Variants in TRPM2 observed in about 807,000 individuals in gnomAD.
TRPM2 encodes the protein estrogen-responsive element-associated gene 1 protein.
In TRPM2, 161 loss-of-function variants were observed where a neutral mutation model predicts 174.0. The ratio of observed to expected loss-of-function variants is 0.93; its 90% CI spans 0.81 to 1.05. The LOEUF is 1.05. Ranked by LOEUF, TRPM2 falls within the 50% of genes least tolerant of loss-of-function variation. The pLI is 0.00. For missense variants in TRPM2, 2,057 were observed against 2,038.0 expected (o/e 1.01, Z -0.18); for synonymous variants, 954 against 861.3 (o/e 1.11, Z -1.88).
chr21:44,357,523 T>G (rs2048092394), intron 2 of TRPM2, among the ~76,000 whole-genome samples: 1 of 152,192 alleles, frequency 6.6e-6, no homozygotes, highest in Non-Finnish European at 1.5e-5. Context: ...GGCAGGCTGC[T>G]GCGGCTCTCC....
rs371222161 is a variant in TRPM2 at position 44,401,677 on chromosome 21, G to T, written c.2322-4G>T. 3.1e-6 allele frequency: 5 copies of T among 1,611,790 alleles called. No homozygotes were observed. In the African/African-American group the frequency reaches 5.3e-5, roughly 17 times the overall value. On this transcript the variant is annotated splice_polypyrimidine_tract_variant and splice_region_variant and intron_variant, in intron 15 of 31. Transcript: ENST00000397928. ...CTGTCTCCTCTCTGCTGTGACGGCC[G>T]CAGGGAGAAGAGGCTGCAGGATGTG...
intron 9 of TRPM2, among the ~76,000 whole-genome samples, chr21:44,385,632 C>A (rs2048997444): frequency 6.6e-6 from 1 of 152,142 alleles, no homozygotes; most frequent in Admixed American, 6.5e-5. Context: ...TCGTATTTGT[C>A]CATTTTCACA....
Position 44,418,030 on chromosome 21 carries a change from T to C in TRPM2, c.3250T>C (p.Phe1084Leu). 1 of 1,613,200 alleles carries C rather than the reference T, an allele frequency of 6.2e-7. No homozygotes were observed. The highest frequency in any genetic ancestry group is 1.1e-5 in the South Asian group (1 of 91,086). The change falls in exon 21 of 32, where the codon TTC becomes CTC. Residue 1084 changes from phenylalanine (F) to leucine (L), a missense_variant. Coordinates refer to ENST00000397928, the MANE Select transcript of TRPM2 (RefSeq NM_003307.4). ...YHGRPAAPPP[F>L]ILLSHLQLFI... ...CGGCCGCCCCGCCGCGCCGCCCCCC[T>C]TCATCCTCCTCAGCCACCTGCAGCT...
At chr21:44,351,959 C>T (rs2047932969), upstream of TRPM2, among the ~76,000 whole-genome samples, 1 of 152,196 alleles carries the variant, frequency 6.6e-6, no homozygotes, top group Non-Finnish European at 1.5e-5. Context: ...AGTCCCACAC[C>T]GTGGACCCTC....
intron 5 of TRPM2, among the ~76,000 whole-genome samples, chr21:44,370,071 CT>C (rs1569025636): frequency 1.3e-5 from 2 of 152,096 alleles, no homozygotes; most frequent in African/African-American, 2.4e-5. Context: ...CGGCCCACCC[CT>C]GACCCAGGTG....
At chr21:44,437,507 C>A (rs565785959) in intron 29 of TRPM2, among the ~76,000 whole-genome samples, 6 of 152,206 alleles carry the variant, frequency 3.9e-5, no homozygotes, top group African/African-American at 9.6e-5. Flanking sequence ...GCTCTTCTCC[C>A]GTGTCTCAGA....
chr21:44,369,101 G>A, intron 4 of TRPM2, 76 bp from the exon 5 acceptor site: 1 of 1,418,706 alleles, frequency 7.0e-7, no homozygotes, highest in Admixed American at 2.8e-5. Context: ...AGCCTAGAAG[G>A]GCTCAGGCGT....
intron 19 of TRPM2, 145 bp from the exon 20 acceptor site, chr21:44,413,746 G>A: frequency 1.1e-6 from 1 of 941,426 alleles, no homozygotes; most frequent in South Asian, 1.6e-5. Flanking sequence ...TGGCCCAGAG[G>A]TGACAGCTGA....
At chr21:44,365,894 C>T (rs972863680) in intron 3 of TRPM2, among the ~76,000 whole-genome samples, 8 of 152,232 alleles carry the variant, frequency 5.3e-5, no homozygotes, top group South Asian at 2.1e-4. Context: ...GTGGGACCCA[C>T]GTTCTGATGG....
rs780609864 is a variant in TRPM2 at position 44,403,722 on chromosome 21, T to C, written c.2539-1420T>C. Among the ~76,000 whole-genome samples the C allele has an allele frequency of 4.1e-5, 6 of 147,388 alleles. No homozygotes were observed. In the East Asian group the frequency reaches 1.2e-3, roughly 30 times the overall value. ...ATACACATGCATACACACATATGCA[T>C]GGACACACATACATGCATATAGAGA... is the stretch of plus-strand genomic sequence containing the variant. On this transcript the variant is annotated intron_variant, in intron 16 of 31. Coordinates refer to ENST00000397928, the MANE Select transcript of TRPM2 (RefSeq NM_003307.4).
chr21:44,409,686 T>TAA lies in TRPM2; in HGVS notation c.2962+2921_2962+2922insAA, dbSNP rs1243657009. Among the ~76,000 whole-genome samples the TAA allele has an allele frequency of 4.9e-5, 6 of 122,920 alleles. 1 individual carries two copies. Among genetic ancestry groups the TAA allele is most frequent in the South Asian group, 2.7e-4 (1 of 3,708 alleles). The allele number at this position is 122,920 out of a possible 152,430, so 80.6% of individuals were successfully genotyped here. On this transcript the variant is annotated intron_variant, in intron 19 of 31. Coordinates refer to ENST00000397928, the MANE Select transcript of TRPM2 (RefSeq NM_003307.4). Reference sequence around the variant, plus strand: ...GCACTGTCTTGGTGTAGCCTTGTAGTGAGTTTTGACCACACTGTCTTGGTT... The same window carrying TAA: ...GCACTGTCTTGGTGTAGCCTTGTAGTAAGAGTTTTGACCACACTGTCTTGGTT...
At chr21:44,406,228 GC>G (rs1569076697) in intron 18 of TRPM2, among the ~76,000 whole-genome samples, 191 bp downstream of exon 18, 1 of 152,100 alleles carries the variant, frequency 6.6e-6, no homozygotes, top group African/African-American at 2.4e-5. Flanking sequence ...CTTCCAGGAA[GC>G]CTTCCCTCAT....
At chr21:44,421,283 A>C (rs1601222996) in intron 22 of TRPM2, among the ~76,000 whole-genome samples, 2 of 151,382 alleles carry the variant, frequency 1.3e-5, no homozygotes, top group Non-Finnish European at 2.9e-5. Context: ...GCGCTGCTGC[A>C]CTCCAGCCTG....
chr21:44,372,409 C>T (rs773299856), intron 5 of TRPM2, among the ~76,000 whole-genome samples: 4 of 150,646 alleles, frequency 2.7e-5, no homozygotes, highest in East Asian at 2.0e-4. Flanking sequence ...GCAGGAGAAT[C>T]GCTTGAACCT....
Position 44,391,078 on chromosome 21 carries a change from C to T in TRPM2, c.1440+53C>T, listed in dbSNP as rs2049158228. ...GGGCCTACTGGGCCCACATGCATTG[C>T]ACCACTGAAGCAAGGGCAGGCAAAG... On this transcript the variant is annotated intron_variant, in intron 10 of 31. Coordinates refer to ENST00000397928, the MANE Select transcript of TRPM2 (RefSeq NM_003307.4). This position sits in a 1 kb window ranked among gnomAD's most constrained non-coding sequence, Gnocchi z 5.0. 4 of 1,609,258 alleles carry T rather than the reference C, an allele frequency of 2.5e-6. No homozygotes were observed. The highest frequency in any genetic ancestry group is 1.8e-4 in the Middle Eastern group (1 of 5,546).
Position 44,439,029 on chromosome 21 carries a change from G to A in TRPM2, c.4168-38G>A. 5 of 1,574,452 alleles carry A rather than the reference G, an allele frequency of 3.2e-6. No individual in the cohort carries two copies. The highest frequency in any genetic ancestry group is 4.3e-6 in the Non-Finnish European group (5 of 1,149,794). On this transcript the variant is annotated intron_variant, in intron 29 of 31. Transcript: ENST00000397928. The surrounding 1 kb of genome is among the most constrained non-coding windows in gnomAD (Gnocchi z 5.1). ...CAGGGCAGCCTGAGGTCCCGCTTCGGTGCCCTGTTGACCTGCCTCCGTCCT... is the reference window on the plus strand; with the variant it reads ...CAGGGCAGCCTGAGGTCCCGCTTCGATGCCCTGTTGACCTGCCTCCGTCCT...
rs139137701 is a variant in TRPM2 at position 44,401,708 on chromosome 21, C to A, written c.2349C>A (p.Thr783=). Residue 783 remains threonine, a synonymous_variant, in exon 16 of 32, where the codon ACC becomes ACA. Coordinates refer to ENST00000397928, the MANE Select transcript of TRPM2 (RefSeq NM_003307.4). ...AGAAGAGGCTGCAGGATGTGGGCAC[C>A]CCCGCGGCCCGCGCCCGTGCCTTCT... ...FREKRLQDVG[T]PAARARAFFT... The A allele has an allele frequency of 6.1e-5, 99 of 1,613,048 alleles. No homozygotes were observed. Among genetic ancestry groups the A allele is most frequent in the Non-Finnish European group, 8.1e-5 (96 of 1,179,886 alleles).
intron 31 of TRPM2, among the ~76,000 whole-genome samples, 181 bp downstream of exon 31, chr21:44,441,086 A>G (rs1164410987): frequency 6.6e-6 from 1 of 152,086 alleles, no homozygotes. Flanking sequence ...ACGTGCCTCG[A>G]GGGCTTCCAA....
intron 27 of TRPM2, among the ~76,000 whole-genome samples, 186 bp downstream of exon 27, chr21:44,427,297 C>T (rs774614385): frequency 3.3e-5 from 5 of 152,202 alleles, no homozygotes; most frequent in Admixed American, 6.5e-5. Flanking sequence ...GGCTTGGGGG[C>T]GTGGGACTTG....
Sources: allele counts gnomAD v4.1 joint callset (sites outside exome capture counted in the v4.1 genomes callset), GRCh38; gene constraint gnomAD v4.1.1; non-coding constraint Gnocchi (gnomAD v3.1); transcripts MANE v1.5; gene names NCBI Gene and HGNC (gene_info 2026-07-23, HGNC 2026-07-21).